TRDN: variants seen among roughly 807,000 people sequenced by gnomAD.
The protein encoded by TRDN is triadin, also known as triadin in skeletal muscle.
Under a neutral mutation model 149.7 loss-of-function variants are expected in TRDN, and 161 were observed. The ratio of observed to expected loss-of-function variants is 1.08; its 90% CI spans 0.95 to 1.23. The LOEUF is 1.23. Ranked by LOEUF, TRDN falls within the 50% of genes most tolerant of loss-of-function variation. The pLI is 0.00. For missense variants in TRDN, 896 were observed against 823.5 expected (o/e 1.09, Z -1.08); for synonymous variants, 294 against 250.5 (o/e 1.17, Z -1.64).
intron 24 of TRDN, among the ~76,000 whole-genome samples, chr6:123,290,151 G>A (rs999214067): frequency 6.6e-6 from 1 of 152,100 alleles, no homozygotes; most frequent in Non-Finnish European, 1.5e-5. Flanking sequence ...GAGTAATGCA[G>A]TTCACTCCTT....
At chr6:123,522,731 T>C (rs1779751084) in intron 5 of TRDN, among the ~76,000 whole-genome samples, 1 of 152,140 alleles carries the variant, frequency 6.6e-6, no homozygotes, top group African/African-American at 2.4e-5. Flanking sequence ...TGTAGGAATG[T>C]CAAATGCAAA....
chr6:123,360,869 C>A (rs1344836746), intron 20 of TRDN, among the ~76,000 whole-genome samples: 5 of 152,022 alleles, frequency 3.3e-5, no homozygotes, highest in African/African-American at 1.2e-4. Flanking sequence ...GTATGGATGA[C>A]TGATTTGAAG....
At chr6:123,520,206 G>C (rs1245215100) in intron 5 of TRDN, among the ~76,000 whole-genome samples, 2 of 152,018 alleles carry the variant, frequency 1.3e-5, no homozygotes. Flanking sequence ...ATGCAATATT[G>C]AGTTAAAAAT....
At chr6:123,442,313 G>C (rs1466160773) in intron 10 of TRDN, 1 of 111,316 alleles carries the variant, frequency 9.0e-6, no homozygotes, top group Non-Finnish European at 1.8e-5. Flanking sequence ...GGAGGCCGAG[G>C]CGGGCGGATC....
intron 9 of TRDN, among the ~76,000 whole-genome samples, chr6:123,465,734 T>A (rs1776762138): frequency 6.6e-6 from 1 of 152,146 alleles, no homozygotes; most frequent in Non-Finnish European, 1.5e-5. Context: ...TGATCCCATA[T>A]AAATTGCTTG....
intron 12 of TRDN, among the ~76,000 whole-genome samples, chr6:123,416,323 C>T (rs186167209): frequency 2.4e-3 from 358 of 152,306 alleles, no homozygotes; most frequent in Non-Finnish European, 2.5e-3. Context: ...CCTCCTACCA[C>T]CTGCTCCTCA....
intron 12 of TRDN, among the ~76,000 whole-genome samples, chr6:123,408,825 T>C (rs1773309549): frequency 6.6e-6 from 1 of 152,058 alleles, no homozygotes; most frequent in Admixed American, 6.6e-5. Context: ...ACAAGAAAAA[T>C]CATTTTACGA....
intron 1 of TRDN, among the ~76,000 whole-genome samples, chr6:123,581,153 C>T (rs58893856): frequency 0.059 from 8,917 of 152,134 alleles, 353 homozygotes; most frequent in African/African-American, 0.093. Flanking sequence ...TTTAAAGTGG[C>T]CAAAAGTTCC....
chr6:123,471,405 C>T lies in TRDN; in HGVS notation c.854-6422G>A, dbSNP rs531944624. The stretch of plus-strand genomic sequence containing the variant: ...GTATAGAAGATCACCAGTGAAGAAG[C>T]CAGAGATGGTTTATTTGGTCATCCC... On this transcript the variant is annotated intron_variant, in intron 9 of 40. Transcript: ENST00000334268. 6.6e-5 allele frequency: 10 copies of T among 152,136 alleles called. No homozygotes were observed. The South Asian group carries it at 8.3e-4, about 13-fold the overall frequency. The allele number at this position is 152,136 out of a possible 1,614,324, so 9.4% of individuals were successfully genotyped here.
chr6:123,272,658 G>C (rs1175739622), intron 29 of TRDN, among the ~76,000 whole-genome samples: 1 of 151,844 alleles, frequency 6.6e-6, no homozygotes, highest in East Asian at 1.9e-4. Context: ...AGAATGCCTT[G>C]CCCAAATCAG....
At chr6:123,505,763 G>A (rs1323482221) in intron 7 of TRDN, among the ~76,000 whole-genome samples, 2 of 150,840 alleles carry the variant, frequency 1.3e-5, no homozygotes, top group African/African-American at 2.4e-5. Flanking sequence ...GCAGTGGCAC[G>A]ATCTCGGCTC....
At chr6:123,574,248 G>A (rs9388259) in intron 1 of TRDN, among the ~76,000 whole-genome samples, 27,677 of 151,384 alleles carry the variant, frequency 0.18, 2,602 homozygotes, top group Non-Finnish European at 0.2. Flanking sequence ...ATCTCTTTTC[G>A]GAAAAAAAAC....
intron 2 of TRDN, among the ~76,000 whole-genome samples, chr6:123,566,436 A>C (rs1013945652): frequency 6.6e-6 from 1 of 152,204 alleles, no homozygotes; most frequent in Non-Finnish European, 1.5e-5. Context: ...AATTCTGAAA[A>C]TAGGGGGAAT....
At chr6:123,311,074 A>G (rs1257401232) in intron 24 of TRDN, among the ~76,000 whole-genome samples, 13 of 152,006 alleles carry the variant, frequency 8.6e-5, no homozygotes, top group Admixed American at 7.2e-4. Flanking sequence ...TACTGCTAAA[A>G]TAAATACCGA....
rs928114207 is a variant in TRDN, at chr6:123,409,969, A to T, written c.1052-16292T>A. 3.9e-5 allele frequency among the ~76,000 whole-genome samples: 6 copies of T among 152,296 alleles called. No individual in the cohort carries two copies. In the East Asian group the frequency reaches 1.2e-3, roughly 29 times the overall value. On this transcript the variant is annotated intron_variant, in intron 12 of 40. Coordinates refer to ENST00000334268, the MANE Select transcript of TRDN (RefSeq NM_006073.4). The stretch of plus-strand genomic sequence containing the variant: ...AAGAGAGAGTGGGTTGACTTTAAAC[A>T]ATTGGATGGACTTTTATATGGATGG...
chr6:123,459,808 G>A (rs1459434728), intron 10 of TRDN, among the ~76,000 whole-genome samples: 1 of 152,114 alleles, frequency 6.6e-6, no homozygotes, highest in Non-Finnish European at 1.5e-5. Flanking sequence ...TTAGGATAAT[G>A]GAAATAGACT....
chr6:123,311,308 C>A (rs1778809161), intron 24 of TRDN, among the ~76,000 whole-genome samples: 1 of 151,816 alleles, frequency 6.6e-6, no homozygotes, highest in South Asian at 2.1e-4. Flanking sequence ...GGAAATCGCC[C>A]CCATGATCCA....
chr6:123,313,778 G>A (rs1778919802), intron 24 of TRDN, among the ~76,000 whole-genome samples: 2 of 151,976 alleles, frequency 1.3e-5, no homozygotes, highest in South Asian at 2.1e-4. Context: ...ATGGTGCTGG[G>A]ATAACTGGCT....
At chr6:123,612,189 G>A (rs561221531) in intron 1 of TRDN, among the ~76,000 whole-genome samples, 23 of 138,488 alleles carry the variant, frequency 1.7e-4, no homozygotes, top group African/African-American at 6.2e-4. Flanking sequence ...GGTCACAGGA[G>A]TTCGAGACCA....
Sources: allele counts gnomAD v4.1 joint callset (sites outside exome capture counted in the v4.1 genomes callset), GRCh38; gene constraint gnomAD v4.1.1; transcripts MANE v1.5; gene names NCBI Gene and HGNC (gene_info 2026-07-23, HGNC 2026-07-21).